Variants in USP10 observed in about 807,000 individuals in gnomAD.
USP10 encodes ubiquitin specific peptidase 10, also known as ubiquitin carboxyl-terminal hydrolase 10.
Under a neutral mutation model 84.5 loss-of-function variants are expected in USP10, and 22 were observed. The ratio of observed to expected loss-of-function variants is 0.26; its 90% CI spans 0.19 to 0.37. The LOEUF (loss-of-function observed/expected upper bound fraction) is 0.37, where lower values mean the gene tolerates loss of function less well. USP10 is among the 10% of genes least tolerant of loss of function. The pLI is 1.00. For synonymous variants in USP10, 454 were observed against 387.6 expected (o/e 1.17, Z -2.01); for missense variants, 1,019 against 998.9 (o/e 1.02, Z -0.27).
At chr16:84,700,568 T>G (rs1421232373) in intron 1 of USP10, among the ~76,000 whole-genome samples, 1 of 152,132 alleles carries the variant, frequency 6.6e-6, no homozygotes, top group African/African-American at 2.4e-5. Flanking sequence ...GGGTGCCCTG[T>G]TGCCCCTTTG....
rs1219197175 is a variant in USP10 at position 84,779,026 on chromosome 16, C to A, written c.2341C>A (p.Pro781Thr). 1.9e-6 allele frequency: 3 copies of A among 1,613,876 alleles called. No individual in the cohort carries two copies. Among genetic ancestry groups the A allele is most frequent in the Non-Finnish European group, 2.5e-6 (3 of 1,179,898 alleles). ...KVINQYQVVK[P>T]TAERTAYLLY... ...GATCAACCAGTACCAGGTGGTGAAACCAACTGCTGAACGCACAGCCTACCT... is the reference window on the plus strand; with the variant it reads ...GATCAACCAGTACCAGGTGGTGAAAACAACTGCTGAACGCACAGCCTACCT... The change falls in exon 14 of 14, where the codon CCA (proline) becomes ACA (threonine). Residue 781 changes from proline to threonine, a missense_variant. Around this residue, in one of 2 missense-constraint regions of USP10, gnomAD observed 232 missense variants for 290.1 expected, o/e 0.80. Transcript: ENST00000219473.
At chr16:84,749,894 T>A (rs1220666432) in intron 4 of USP10, among the ~76,000 whole-genome samples, 1 of 152,186 alleles carries the variant, frequency 6.6e-6, no homozygotes, top group African/African-American at 2.4e-5. Context: ...AACATTTTGT[T>A]CCATTGGCTG....
chr16:84,730,530 A>G (rs1257630960), intron 1 of USP10, among the ~76,000 whole-genome samples: 1 of 152,216 alleles, frequency 6.6e-6, no homozygotes, highest in Admixed American at 6.5e-5. Context: ...GGAGAAAAAA[A>G]ACTCAGTGAA....
intron 5 of USP10, among the ~76,000 whole-genome samples, chr16:84,759,016 A>T (rs1204953879): frequency 1.3e-5 from 2 of 152,226 alleles, no homozygotes; most frequent in Non-Finnish European, 2.9e-5. Context: ...ATATGTTGGC[A>T]CGTGAATGAG....
At chr16:84,731,446 G>GT (rs552540197) in intron 1 of USP10, among the ~76,000 whole-genome samples, 1 of 151,938 alleles carries the variant, frequency 6.6e-6, no homozygotes, top group South Asian at 2.1e-4. Context: ...TGTGTTTCTT[G>GT]TATTTTACTT....
intron 1 of USP10, among the ~76,000 whole-genome samples, chr16:84,721,601 C>T (rs1048571246): frequency 6.6e-6 from 1 of 152,180 alleles, no homozygotes; most frequent in Admixed American, 6.5e-5. Context: ...GATCATAGCT[C>T]ACTGCAGCCT....
At chr16:84,722,230 C>T (rs922776221) in intron 1 of USP10, among the ~76,000 whole-genome samples, 23 of 152,224 alleles carry the variant, frequency 1.5e-4, no homozygotes, top group Middle Eastern at 3.2e-3. Flanking sequence ...TTACCTTCAC[C>T]TGACCCAACT....
intron 4 of USP10, among the ~76,000 whole-genome samples, chr16:84,750,061 G>A (rs1047375722): frequency 6.6e-6 from 1 of 152,160 alleles, no homozygotes; most frequent in Admixed American, 6.5e-5. Flanking sequence ...CTGTGTTTCA[G>A]TGACTGGTCT....
At chr16:84,770,842 C>G (rs992336996) in intron 11 of USP10, among the ~76,000 whole-genome samples, 1 of 148,784 alleles carries the variant, frequency 6.7e-6, no homozygotes, top group African/African-American at 2.5e-5. Flanking sequence ...CTGAGGCAGG[C>G]GGATCACAAA....
At position 84,740,364 on chromosome 16, in the gene USP10, C is replaced by A; in HGVS notation, c.146C>A (p.Pro49His). 6.2e-7 allele frequency: 1 copy of A among 1,612,496 alleles called. No individual in the cohort carries two copies. The highest frequency in any genetic ancestry group is 1.1e-5 in the South Asian group (1 of 90,920). ...LCGTQAVDKL[P>H]DGQEYQRIEF... Reference sequence around the variant, plus strand: ...GGCACACAGGCTGTGGATAAACTACCTGATGGTAAGCTAGTTCTCTCCTTA... The same window carrying A: ...GGCACACAGGCTGTGGATAAACTACATGATGGTAAGCTAGTTCTCTCCTTA... Residue 49 changes from proline to histidine, a missense_variant, in exon 3 of 14, where the codon CCT becomes CAT. Pro to His is a moderately conservative substitution (Grantham distance 77). Transcript: ENST00000219473.
rs766406311 is a variant in USP10 at position 84,772,669 on chromosome 16, C to G, written c.2127C>G (p.Asp709Glu). The change falls in exon 12 of 14, where the codon GAC becomes GAG. Residue 709 changes from aspartate (D) to glutamate (E), a missense_variant. By Grantham distance (45) the Asp-to-Glu change is conservative. Coordinates refer to ENST00000219473, the MANE Select transcript of USP10 (RefSeq NM_005153.3). ...TCAAAAATATTGAATATCCTGTGGA[C>G]TTGGAAATTAGTAAAGGTAATGCAT... ...KLIKNIEYPV[D>E]LEISKELLSP... The G allele has an allele frequency of 1.9e-6, 3 of 1,613,900 alleles. No homozygotes were observed. The highest frequency in any genetic ancestry group is 2.2e-5 in the East Asian group (1 of 44,874).
chr16:84,727,464 AAAC>A (rs1908648775), intron 1 of USP10, among the ~76,000 whole-genome samples: 5 of 71,450 alleles, frequency 7.0e-5, no homozygotes, highest in African/African-American at 1.2e-4. Flanking sequence ...TTAAAAAAAC[AAAC>A]AAACAAACAA....
chr16:84,731,330 A>G (rs543003924), intron 1 of USP10, among the ~76,000 whole-genome samples: 6 of 151,648 alleles, frequency 4.0e-5, no homozygotes, highest in Non-Finnish European at 7.4e-5. Flanking sequence ...GCTACGCCAT[A>G]GGCAATGTGC....
Position 84,711,087 on chromosome 16 carries a change from AT to A in USP10, c.21+10980del, listed in dbSNP as rs141496650. Among the ~76,000 whole-genome samples, 23 of 152,152 alleles carry A rather than the reference AT, an allele frequency of 1.5e-4. No individual in the cohort carries two copies. The East Asian group carries it at 4.4e-3, about 29-fold the overall frequency. On this transcript the variant is annotated intron_variant, in intron 1 of 13. Transcript: ENST00000219473. ...GTTGTGAGCAGATGAGAAACCTGAC[AT>A]TTTGCCACTTTGAAGAGCTGTCATG...
chr16:84,715,489 G>A (rs983919679), intron 1 of USP10, among the ~76,000 whole-genome samples: 1 of 152,182 alleles, frequency 6.6e-6, no homozygotes, highest in African/African-American at 2.4e-5. Flanking sequence ...TAGGATCTCC[G>A]CCTCCCAAAG....
At chr16:84,733,585 T>A in intron 2 of USP10, 82 bp downstream of exon 2, 1 of 1,080,060 alleles carries the variant, frequency 9.3e-7, no homozygotes, top group Non-Finnish European at 1.3e-6. Context: ...TTTTTTTAAA[T>A]AAAGAATTCC....
rs772275192 is a variant in USP10 at position 84,760,292 on chromosome 16, T to C, written c.1554+17T>C. ...TCTGAAAAGGTTTGAGACTTCTCTG[T>C]TGTCACTAGTATCAAGTGTTGCCTT... On this transcript the variant is annotated intron_variant, in intron 8 of 13. Coordinates refer to ENST00000219473, the MANE Select transcript of USP10 (RefSeq NM_005153.3). 2.5e-6 allele frequency: 4 copies of C among 1,576,808 alleles called. No individual in the cohort carries two copies. The highest frequency in any genetic ancestry group is 2.6e-6 in the Non-Finnish European group (3 of 1,157,194).
intron 1 of USP10, among the ~76,000 whole-genome samples, chr16:84,721,132 T>C (rs1907753003): frequency 1.3e-5 from 2 of 152,058 alleles, no homozygotes; most frequent in African/African-American, 4.8e-5. Flanking sequence ...CCTCAGGTGA[T>C]CCACCTGCCT....
Position 84,775,082 on chromosome 16 carries a change from T to C in USP10, c.2144-78T>C. ...CAGGCAGTTTACTTGCTGGGGAGAA[T>C]GTTGTTAGCCATTTTCTGCTGCTGT... On this transcript the variant is annotated intron_variant, in intron 12 of 13. Transcript: ENST00000219473. The C allele has an allele frequency of 2.4e-6, 3 of 1,262,868 alleles. No individual in the cohort carries two copies. The South Asian group carries it at 3.6e-5, about 15-fold the overall frequency. 78.2% of individuals were successfully genotyped at this position (1,262,868 alleles called of 1,614,324 possible).
Sources: allele counts gnomAD v4.1 joint callset (sites outside exome capture counted in the v4.1 genomes callset), GRCh38; gene constraint gnomAD v4.1.1; regional missense constraint gnomAD v4.1.1; transcripts MANE v1.5; gene names NCBI Gene and HGNC (gene_info 2026-07-23, HGNC 2026-07-21).